Variants in ZFAND6 observed in about 807,000 individuals in gnomAD.
The protein encoded by ZFAND6 is zinc finger AN1-type containing 6, also known as AN1-type zinc finger protein 6.
A neutral mutation model predicts 24.5 loss-of-function variants in ZFAND6; 12 were observed. The observed-to-expected ratio is 0.49, with a 90% CI of 0.31 to 0.79. The LOEUF is 0.79. Ranked by LOEUF, ZFAND6 falls within the 30% of genes least tolerant of loss-of-function variation. The pLI is 0.04. For synonymous variants in ZFAND6, 92 were observed against 81.5 expected, an observed-to-expected ratio of 1.13 and a Z score of -0.69; for missense variants, 207 against 245.9, an observed-to-expected ratio of 0.84 and a Z score of 1.06.
intron 1 of ZFAND6, among the ~76,000 whole-genome samples, chr15:80,071,522 A>T (rs1471233469): frequency 6.6e-6 from 1 of 152,170 alleles, no homozygotes; most frequent in Non-Finnish European, 1.5e-5. Flanking sequence ...TAATTAAAAT[A>T]TATAAACTTA....
At chr15:80,091,814 A>T (rs993809133) in intron 1 of ZFAND6, among the ~76,000 whole-genome samples, 9 of 151,998 alleles carry the variant, frequency 5.9e-5, no homozygotes, top group Non-Finnish European at 1.3e-4. Flanking sequence ...TAATTTTAAA[A>T]TTTTTTGTAG....
chr15:80,081,824 G>T (rs1273896574), intron 1 of ZFAND6, among the ~76,000 whole-genome samples: 1 of 152,218 alleles, frequency 6.6e-6, no homozygotes, highest in Non-Finnish European at 1.5e-5. Context: ...TTAGTTTAAT[G>T]TCAGGATCAT....
intron 1 of ZFAND6, among the ~76,000 whole-genome samples, chr15:80,077,357 T>C (rs907744235): frequency 1.3e-4 from 20 of 152,316 alleles, no homozygotes; most frequent in Middle Eastern, 6.8e-3. Context: ...ACAAATAAAA[T>C]TGACGTGAAC....
intron 2 of ZFAND6, among the ~76,000 whole-genome samples, chr15:80,116,522 A>G (rs963561719): frequency 2.0e-5 from 3 of 152,214 alleles, no homozygotes; most frequent in African/African-American, 7.2e-5. Context: ...CTGCCTTAAT[A>G]ACAACATTCT....
rs200689599 is a variant in ZFAND6 at position 80,102,999 on chromosome 15, T to A, written c.-18+4421T>A. Among the ~76,000 whole-genome samples, 19 of 152,332 alleles carry A rather than the reference T, an allele frequency of 1.2e-4. No homozygotes were observed. The East Asian group carries it at 3.1e-3, about 25-fold the overall frequency. On this transcript the variant is annotated intron_variant, in intron 2 of 6. Coordinates refer to ENST00000261749, the MANE Select transcript of ZFAND6 (RefSeq NM_019006.4). ...TTTATGTGTGTGCTATTCTGTCTCC[T>A]CCCCACCTCCATCCATGACTTTAGA...
chr15:80,110,635 T>A (rs374783184), intron 2 of ZFAND6, among the ~76,000 whole-genome samples: 1 of 151,550 alleles, frequency 6.6e-6, no homozygotes, highest in South Asian at 2.1e-4. Flanking sequence ...TAATTTAGAA[T>A]AGGATAGAGA....
chr15:80,117,257 CTG>C (rs2039921661), intron 2 of ZFAND6, among the ~76,000 whole-genome samples: 1 of 151,372 alleles, frequency 6.6e-6, no homozygotes, highest in Admixed American at 6.6e-5. Flanking sequence ...GAGTCTCGCT[CTG>C]TTGCCCAGGC....
chr15:80,132,684 A>T (rs1012886720), intron 6 of ZFAND6, among the ~76,000 whole-genome samples: 5 of 152,192 alleles, frequency 3.3e-5, no homozygotes, highest in South Asian at 2.1e-4. Flanking sequence ...TGTGGTTCTC[A>T]TGTATTTTTC....
chr15:80,125,007 A>G (rs575147054), intron 5 of ZFAND6, among the ~76,000 whole-genome samples: 83 of 152,334 alleles, frequency 5.4e-4, no homozygotes, highest in Non-Finnish European at 9.0e-4. Flanking sequence ...GCACACACTC[A>G]TACACTTACA....
chr15:80,131,416 A>G, intron 6 of ZFAND6, 123 bp downstream of exon 6: 1 of 711,202 alleles, frequency 1.4e-6, no homozygotes, highest in Non-Finnish European at 2.2e-6. Flanking sequence ...GATATACTTC[A>G]CCTTCTGAAT....
intron 2 of ZFAND6, among the ~76,000 whole-genome samples, chr15:80,103,331 T>C (rs1020008324): frequency 2.0e-5 from 3 of 152,214 alleles, no homozygotes; most frequent in African/African-American, 7.2e-5. Flanking sequence ...GAGCACTTAC[T>C]CTAATACATA....
chr15:80,109,759 C>T (rs75823357), intron 2 of ZFAND6, among the ~76,000 whole-genome samples: 1,858 of 152,210 alleles, frequency 0.012, 31 homozygotes, highest in African/African-American at 0.042. Flanking sequence ...TAAAGTATAG[C>T]GGGGCAAGAA....
chr15:80,107,146 C>G lies in ZFAND6; in HGVS notation c.-18+8568C>G, dbSNP rs1488087252. Reference sequence around the variant, plus strand: ...AGGAGAATCACTTGAACCCAGGAGGCAAAGGTTGCAGGGAGCCAAGATTGC... The same window carrying G: ...AGGAGAATCACTTGAACCCAGGAGGGAAAGGTTGCAGGGAGCCAAGATTGC... On this transcript the variant is annotated intron_variant, in intron 2 of 6. Coordinates refer to ENST00000261749, the MANE Select transcript of ZFAND6 (RefSeq NM_019006.4). 2.6e-5 allele frequency among the ~76,000 whole-genome samples: 4 copies of G among 152,186 alleles called. No homozygotes were observed. In the East Asian group the frequency reaches 5.8e-4, roughly 22 times the overall value.
At chr15:80,064,228 T>C (rs1355216611) in intron 1 of ZFAND6, among the ~76,000 whole-genome samples, 1 of 152,214 alleles carries the variant, frequency 6.6e-6, no homozygotes, top group Non-Finnish European at 1.5e-5. Context: ...TATGAACATT[T>C]CTTAAAGTCT....
chr15:80,127,632 T>A (rs2040427542), intron 5 of ZFAND6, among the ~76,000 whole-genome samples: 1 of 149,654 alleles, frequency 6.7e-6, no homozygotes, highest in Non-Finnish European at 1.5e-5. Context: ...TCAACTTCAT[T>A]AGATATGAGG....
At chr15:80,103,683 C>G (rs1034079256) in intron 2 of ZFAND6, among the ~76,000 whole-genome samples, 6 of 152,148 alleles carry the variant, frequency 3.9e-5, no homozygotes, top group Admixed American at 2.6e-4. Flanking sequence ...ATGAACTATT[C>G]TATTTGAAGC....
chr15:80,097,074 A>G (rs1292101964), intron 1 of ZFAND6, among the ~76,000 whole-genome samples: 1 of 148,766 alleles, frequency 6.7e-6, no homozygotes, highest in Non-Finnish European at 1.5e-5. Flanking sequence ...ATCTCAGCAC[A>G]CTGCAACCTC....
rs188500967 is a variant in ZFAND6 at position 80,075,970 on chromosome 15, A to G, written c.-181+16161A>G. ...AGATTTCTCAGCAACATTTAGTGCC[A>G]TTGACTACTTTTCCTGCTTGAAACT... On this transcript the variant is annotated intron_variant, in intron 1 of 6. Coordinates refer to ENST00000261749, the MANE Select transcript of ZFAND6 (RefSeq NM_019006.4). Among the ~76,000 whole-genome samples, 103 of 152,172 alleles carry G rather than the reference A, an allele frequency of 6.8e-4. 1 individual carries two copies. Among genetic ancestry groups the G allele is most frequent in the African/African-American group, 2.4e-3 (100 of 41,536 alleles).
intron 1 of ZFAND6, among the ~76,000 whole-genome samples, chr15:80,078,531 G>A (rs1262778640): frequency 6.6e-6 from 1 of 152,186 alleles, no homozygotes; most frequent in African/African-American, 2.4e-5. Flanking sequence ...ACGAGTGCAT[G>A]TGTCTTTTTG....
Sources: gnomAD v4.1 joint callset for allele counts (sites outside exome capture counted in the v4.1 genomes callset) on GRCh38, gnomAD v4.1.1 for gene constraint, MANE v1.5 for transcripts, NCBI Gene and HGNC (gene_info 2026-07-23, HGNC 2026-07-21) for gene names.